NWD2: variants seen among roughly 807,000 people sequenced by gnomAD.
The protein encoded by NWD2 is NACHT and WD repeat domain-containing protein 2.
In NWD2, 37 loss-of-function variants were observed where a neutral mutation model predicts 132.7. The ratio of observed to expected loss-of-function variants is 0.28; its 90% CI spans 0.21 to 0.37. The LOEUF (loss-of-function observed/expected upper bound fraction) is 0.37. Among genes scored for constraint, NWD2 ranks in the 10% least tolerant of loss-of-function variants. The pLI is 1.00. For missense variants in NWD2, 1,592 were observed against 2,122.4 expected, an observed-to-expected ratio of 0.75 and a Z score of 4.91; for synonymous variants, 705 against 803.0, an observed-to-expected ratio of 0.88 and a Z score of 2.06.
chr4:37,323,830 C>A (rs1273153501), intron 1 of NWD2, among the ~76,000 whole-genome samples: 3 of 145,360 alleles, frequency 2.1e-5, no homozygotes, highest in Non-Finnish European at 3.0e-5. Flanking sequence ...AAATGTGGCA[C>A]ATATACACCA....
chr4:37,267,872 G>A (rs1019849776), intron 1 of NWD2, among the ~76,000 whole-genome samples: 1 of 151,786 alleles, frequency 6.6e-6, no homozygotes, highest in African/African-American at 2.4e-5. Context: ...AGAGATATAC[G>A]ATTATAACTC....
chr4:37,287,222 G>T (rs1718251979), intron 1 of NWD2, among the ~76,000 whole-genome samples: 2 of 152,208 alleles, frequency 1.3e-5, no homozygotes, highest in South Asian at 4.1e-4. Flanking sequence ...CCCTGGAGCT[G>T]CTCAGATTCT....
intron 3 of NWD2, among the ~76,000 whole-genome samples, chr4:37,367,678 A>G (rs6852832): frequency 0.93 from 142,201 of 152,152 alleles, 67,207 homozygotes; most frequent in East Asian, 1. Flanking sequence ...ATTGAAACCC[A>G]AAGAAGTGAA....
intron 1 of NWD2, among the ~76,000 whole-genome samples, chr4:37,277,231 A>G (rs1718039060): frequency 1.3e-5 from 2 of 151,536 alleles, no homozygotes; most frequent in South Asian, 4.2e-4. Flanking sequence ...TTGGCTTTCC[A>G]GAGTTTTACT....
At chr4:37,417,435 A>G (rs1028933699) in intron 3 of NWD2, among the ~76,000 whole-genome samples, 2 of 152,194 alleles carry the variant, frequency 1.3e-5, no homozygotes, top group South Asian at 2.1e-4. Context: ...AGGTATATTT[A>G]TATATATGGA....
chr4:37,250,697 A>G (rs1398140633), intron 1 of NWD2, among the ~76,000 whole-genome samples: 1 of 152,250 alleles, frequency 6.6e-6, no homozygotes, highest in African/African-American at 2.4e-5. Context: ...CAAGGAATGC[A>G]GTCTATAGAG....
intron 1 of NWD2, among the ~76,000 whole-genome samples, chr4:37,266,821 C>T (rs1212940756): frequency 3.3e-5 from 5 of 151,970 alleles, no homozygotes; most frequent in African/African-American, 1.2e-4. Context: ...CCTACCCCTC[C>T]CACTCAGCAC....
chr4:37,418,247 T>C (rs1711684719), intron 3 of NWD2, among the ~76,000 whole-genome samples: 1 of 152,086 alleles, frequency 6.6e-6, no homozygotes, highest in Non-Finnish European at 1.5e-5. Flanking sequence ...TAAAATAAAG[T>C]AGTATTGGAT....
At chr4:37,259,297 T>C (rs910322926) in intron 1 of NWD2, among the ~76,000 whole-genome samples, 1 of 152,238 alleles carries the variant, frequency 6.6e-6, no homozygotes, top group Non-Finnish European at 1.5e-5. Context: ...GTGAACCCTA[T>C]ATAAAAGCAA....
intron 1 of NWD2, among the ~76,000 whole-genome samples, chr4:37,325,205 C>T (rs947681256): frequency 2.0e-5 from 3 of 152,112 alleles, no homozygotes; most frequent in East Asian, 1.9e-4. Flanking sequence ...TGTGATTCTT[C>T]GAGCTTCAGG....
At chr4:37,282,961 T>G (rs1324829771) in intron 1 of NWD2, among the ~76,000 whole-genome samples, 2 of 152,214 alleles carry the variant, frequency 1.3e-5, no homozygotes, top group Non-Finnish European at 2.9e-5. Flanking sequence ...AGTACAATTA[T>G]TGTCTTACTG....
Position 37,254,145 on chromosome 4 carries a change from G to A in NWD2, c.151+8927G>A, listed in dbSNP as rs180777568. ...AATGAAATAATCTGTACAACCAACC[G>A]CCCATGACACATGTTTACCTGTGTA... On this transcript the variant is annotated intron_variant, in intron 1 of 6. Transcript: ENST00000309447. Among the ~76,000 whole-genome samples the A allele has an allele frequency of 3.3e-5, 5 of 152,214 alleles. No homozygotes were observed. The East Asian group carries it at 7.7e-4, about 23-fold the overall frequency.
chr4:37,346,106 A>G (rs565658388), intron 2 of NWD2, among the ~76,000 whole-genome samples: 1 of 149,350 alleles, frequency 6.7e-6, no homozygotes, highest in Admixed American at 6.7e-5. Flanking sequence ...AAAACCTACT[A>G]CTCCTATGTT....
At chr4:37,415,758 C>A (rs1033655685) in intron 3 of NWD2, among the ~76,000 whole-genome samples, 1 of 150,224 alleles carries the variant, frequency 6.7e-6, no homozygotes, top group East Asian at 2.0e-4. Flanking sequence ...CTTAAAAATG[C>A]GAAAGTCCAG....
intron 4 of NWD2, among the ~76,000 whole-genome samples, chr4:37,433,032 T>C (rs1477666530): frequency 6.6e-6 from 1 of 152,212 alleles, no homozygotes; most frequent in Non-Finnish European, 1.5e-5. Context: ...TATTTGTCAT[T>C]CTGGTATCCA....
chr4:37,415,389 G>A (rs935793226), intron 3 of NWD2, among the ~76,000 whole-genome samples: 1 of 152,150 alleles, frequency 6.6e-6, no homozygotes, highest in Non-Finnish European at 1.5e-5. Context: ...GTGATGCCAA[G>A]TAGATAAATC....
chr4:37,382,021 C>T (rs1720463758), intron 3 of NWD2, among the ~76,000 whole-genome samples: 1 of 152,138 alleles, frequency 6.6e-6, no homozygotes, highest in Admixed American at 6.5e-5. Flanking sequence ...TTGGACTGTC[C>T]TCTCCTGGAT....
chr4:37,399,717 T>C (rs1720865316), intron 3 of NWD2, among the ~76,000 whole-genome samples: 1 of 152,238 alleles, frequency 6.6e-6, no homozygotes, highest in African/African-American at 2.4e-5. Flanking sequence ...TTTCTGTAAG[T>C]TTCTTTAAGG....
In NWD2 at chr4:37,389,129, A is replaced by G. The variant is rs181765783; in HGVS notation, c.357+32647A>G. Among the ~76,000 whole-genome samples, 314 of 152,332 alleles carry G rather than the reference A, an allele frequency of 2.1e-3. 1 individual carries two copies. The highest frequency in any genetic ancestry group is 7.2e-3 in the African/African-American group (301 of 41,582). On this transcript the variant is annotated intron_variant, in intron 3 of 6. Transcript: ENST00000309447. ...CCCAAAGGGAGGAATGAAGCAAAGG[A>G]GTTAGCAATGCAAAAGCCCTGCCAT...
Sources: gnomAD v4.1 joint callset for allele counts (sites outside exome capture counted in the v4.1 genomes callset) on GRCh38, gnomAD v4.1.1 for gene constraint, MANE v1.5 for transcripts, NCBI Gene and HGNC (gene_info 2026-07-23, HGNC 2026-07-21) for gene names.